Variants in GNAI1 observed in about 807,000 individuals in gnomAD.
GNAI1 encodes guanine nucleotide-binding protein G(i) subunit alpha-1.
A neutral mutation model predicts 38.9 loss-of-function variants in GNAI1; 11 were observed. That is an observed-to-expected ratio of 0.28 (90% CI 0.18 to 0.47). The LOEUF is 0.47. Ranked by LOEUF, GNAI1 falls within the 20% of genes least tolerant of loss-of-function variation. The pLI is 0.99. For synonymous variants in GNAI1, 166 were observed against 145.1 expected (o/e 1.14, Z -1.04); for missense variants, 317 against 436.9 (o/e 0.73, Z 2.45).
intron 1 of GNAI1, among the ~76,000 whole-genome samples, chr7:80,188,535 T>G (rs1788426122): frequency 6.6e-6 from 1 of 152,174 alleles, no homozygotes; most frequent in South Asian, 2.1e-4. Flanking sequence ...CTCATTTTAT[T>G]TATTTGTTTT....
intron 1 of GNAI1, among the ~76,000 whole-genome samples, chr7:80,146,227 T>C (rs770011254): frequency 5.3e-5 from 8 of 152,092 alleles, no homozygotes; most frequent in African/African-American, 2.4e-5. Flanking sequence ...CTCTTTTCCC[T>C]GTGTGACTGC....
At chr7:80,141,563 G>T (rs1787526357) in intron 1 of GNAI1, among the ~76,000 whole-genome samples, 1 of 152,138 alleles carries the variant, frequency 6.6e-6, no homozygotes, top group South Asian at 2.1e-4. Flanking sequence ...CACCCTGTGG[G>T]TACTGAACTT....
At position 80,220,639 on chromosome 7, in the gene GNAI1, A is replaced by T. The variant is rs926470300; in HGVS notation, c.*3146A>T. Among the ~76,000 whole-genome samples, 3 of 152,180 alleles carry T rather than the reference A, an allele frequency of 2.0e-5. No individual in the cohort carries two copies. The highest frequency in any genetic ancestry group is 7.2e-5 in the African/African-American group (3 of 41,442). On this transcript the variant is annotated 3_prime_UTR_variant, in exon 8 of 8. Coordinates refer to ENST00000649796, the MANE Select transcript of GNAI1 (RefSeq NM_002069.6). The stretch of plus-strand genomic sequence containing the variant: ...TCTAAAAGTCTACTTTTTTATGCCT[A>T]ATCTAGTTTAATCGAATTCAGTTTG...
At chr7:80,196,364 C>T (rs1429658410) in intron 3 of GNAI1, among the ~76,000 whole-genome samples, 1 of 151,936 alleles carries the variant, frequency 6.6e-6, no homozygotes, top group Non-Finnish European at 1.5e-5. Context: ...AACCTGTTAA[C>T]CCTCCTTACC....
intron 1 of GNAI1, among the ~76,000 whole-genome samples, chr7:80,149,185 T>C (rs887811049): frequency 6.6e-6 from 1 of 152,158 alleles, no homozygotes; most frequent in Non-Finnish European, 1.5e-5. Flanking sequence ...TATTTACTTA[T>C]TAAATATTTT....
chr7:80,225,624 A>C lies in GNAI1; in HGVS notation c.*8131A>C, dbSNP rs781585302. On this transcript the variant is annotated 3_prime_UTR_variant, in exon 8 of 8. Transcript: ENST00000649796. ...GTGTGGAGGAGGACAGGAATTTGCT[A>C]TCTGCAGGACTTAAATCAGGATAGA... Among the ~76,000 whole-genome samples, 1 of 152,200 alleles carries C rather than the reference A, an allele frequency of 6.6e-6. No individual in the cohort carries two copies. Among genetic ancestry groups the C allele is most frequent in the Non-Finnish European group, 1.5e-5 (1 of 68,038 alleles).
chr7:80,163,805 A>G (rs1323232075), intron 1 of GNAI1, among the ~76,000 whole-genome samples: 2 of 152,144 alleles, frequency 1.3e-5, no homozygotes, highest in Non-Finnish European at 2.9e-5. Flanking sequence ...CTTGTATTGA[A>G]CATAAGAATA....
intron 1 of GNAI1, among the ~76,000 whole-genome samples, chr7:80,152,714 C>T (rs2116104327): frequency 6.6e-6 from 1 of 151,924 alleles, no homozygotes; most frequent in East Asian, 1.9e-4. Flanking sequence ...GCGCCTGCCA[C>T]CATGCCTGGC....
Position 80,220,148 on chromosome 7 carries a change from C to T in GNAI1, c.*2655C>T, listed in dbSNP as rs1562847978. 6.6e-6 allele frequency among the ~76,000 whole-genome samples: 1 copy of T among 152,108 alleles called. No homozygotes were observed. The highest frequency in any genetic ancestry group is 2.1e-4 in the South Asian group (1 of 4,820). Reference sequence around the variant, plus strand: ...GTATAAGTTAGCCTGCCATTTAATGCTCTTCATCACCTGAGGCCTGTTCCT... The same window carrying T: ...GTATAAGTTAGCCTGCCATTTAATGTTCTTCATCACCTGAGGCCTGTTCCT... On this transcript the variant is annotated 3_prime_UTR_variant, in exon 8 of 8. Transcript: ENST00000649796.
At chr7:80,150,105 T>TACCA (rs1787697912) in intron 1 of GNAI1, among the ~76,000 whole-genome samples, 1 of 152,192 alleles carries the variant, frequency 6.6e-6, no homozygotes, top group African/African-American at 2.4e-5. Flanking sequence ...CATCAATTGG[T>TACCA]AAAACAATTT....
At chr7:80,209,603 T>A (rs913411914) in intron 5 of GNAI1, among the ~76,000 whole-genome samples, 4 of 152,184 alleles carry the variant, frequency 2.6e-5, no homozygotes, top group African/African-American at 9.7e-5. Context: ...AACTATACCA[T>A]CACAGAGAGG....
intron 1 of GNAI1, among the ~76,000 whole-genome samples, chr7:80,149,906 C>T (rs985329043): frequency 1.3e-5 from 2 of 152,044 alleles, no homozygotes; most frequent in African/African-American, 4.8e-5. Flanking sequence ...AAAAAGGAAA[C>T]TACAATAGAC....
intron 4 of GNAI1, among the ~76,000 whole-genome samples, chr7:80,200,377 C>G (rs1476564140): frequency 7.5e-6 from 1 of 133,116 alleles, no homozygotes; most frequent in African/African-American, 3.0e-5. Context: ...GTTTGGTGAT[C>G]TCCATAGAAC....
At chr7:80,217,236 G>GACTTCAGTTTCATATGTATGAAACTA in intron 7 of GNAI1, 67 bp from the exon 8 acceptor site, 1 of 1,046,528 alleles carries the variant, frequency 9.6e-7, no homozygotes, top group Non-Finnish European at 1.4e-6. Flanking sequence ...GTATGAAACT[G>GACTTCAGTTTCATATGTATGAAACTA]AATTCAGTAT....
intron 3 of GNAI1, among the ~76,000 whole-genome samples, chr7:80,198,519 CTT>C (rs1788622123): frequency 1.3e-5 from 2 of 152,048 alleles, no homozygotes; most frequent in Admixed American, 1.3e-4. Flanking sequence ...TATAAAGTAT[CTT>C]TTCATTTAGA....
At chr7:80,195,480 A>G (rs1206211454) in intron 3 of GNAI1, among the ~76,000 whole-genome samples, 1 of 151,974 alleles carries the variant, frequency 6.6e-6, no homozygotes, top group South Asian at 2.1e-4. Flanking sequence ...CCTTAAAGCA[A>G]CTCTTCAACA....
intron 1 of GNAI1, chr7:80,187,036 A>T (rs1251727670): frequency 6.6e-6 from 1 of 152,216 alleles, no homozygotes; most frequent in Non-Finnish European, 1.5e-5. Context: ...TTGTTTATTC[A>T]GTGCCTGCCT....
chr7:80,199,485 G>A, intron 4 of GNAI1, 103 bp downstream of exon 4: 2 of 809,924 alleles, frequency 2.5e-6, no homozygotes, highest in Non-Finnish European at 3.9e-6. Context: ...ACACATTCTT[G>A]TACAACTTAG....
chr7:80,159,754 G>C (rs1369236260), intron 1 of GNAI1, among the ~76,000 whole-genome samples: 1 of 152,152 alleles, frequency 6.6e-6, no homozygotes, highest in Non-Finnish European at 1.5e-5. Flanking sequence ...TAAGAGTCTA[G>C]TGTTCAAGTA....
Sources: allele counts gnomAD v4.1 joint callset (sites outside exome capture counted in the v4.1 genomes callset), GRCh38; gene constraint gnomAD v4.1.1; transcripts MANE v1.5; gene names NCBI Gene and HGNC (gene_info 2026-07-23, HGNC 2026-07-21).